Variants in GALNT9 observed in about 807,000 individuals in gnomAD.
GALNT9 encodes the protein polypeptide N-acetylgalactosaminyltransferase 9, also known as GalNAc transferase 9.
GALNT9 carries 47 observed loss-of-function variants against 63.1 expected under a neutral mutation model. The observed-to-expected ratio is 0.75, with a 90% CI of 0.59 to 0.95. GALNT9 has a LOEUF of 0.95. Among genes scored for constraint, GALNT9 ranks in the 40% least tolerant of loss-of-function variants. The pLI is 0.00. For synonymous variants in GALNT9, 396 were observed against 365.7 expected, an observed-to-expected ratio of 1.08 and a Z score of -0.94; for missense variants, 829 against 874.8, an observed-to-expected ratio of 0.95 and a Z score of 0.66.
At chr12:132,213,638 G>C (rs993699872) in intron 6 of GALNT9, among the ~76,000 whole-genome samples, 3 of 152,186 alleles carry the variant, frequency 2.0e-5, no homozygotes, top group African/African-American at 7.2e-5. Flanking sequence ...ATTCCTGTCA[G>C]CCTCTGATGT....
At chr12:132,214,430 G>C (rs1207878759) in intron 6 of GALNT9, among the ~76,000 whole-genome samples, 3 of 152,192 alleles carry the variant, frequency 2.0e-5, no homozygotes, top group Admixed American at 6.5e-5. Context: ...CCTAGAGCTA[G>C]TGAGCACCCC....
At chr12:132,241,404 G>T (rs1878338297) in intron 6 of GALNT9, among the ~76,000 whole-genome samples, 1 of 63,012 alleles carries the variant, frequency 1.6e-5, no homozygotes. Context: ...CCCCTTCCCG[G>T]GGCCCTCCCT....
intron 6 of GALNT9, among the ~76,000 whole-genome samples, chr12:132,210,441 G>A (rs1420161320): frequency 1.3e-5 from 2 of 152,224 alleles, no homozygotes; most frequent in Admixed American, 1.3e-4. Flanking sequence ...GTCATCTAGA[G>A]GGGAGGCAGG....
At chr12:132,251,915 C>A (rs1162035091) in intron 5 of GALNT9, among the ~76,000 whole-genome samples, 2 of 152,122 alleles carry the variant, frequency 1.3e-5, no homozygotes, top group Non-Finnish European at 2.9e-5. Context: ...ACACTTGAAC[C>A]AGCAGCCCCG....
chr12:132,262,396 C>G (rs555297446), intron 3 of GALNT9, 63 bp downstream of exon 3: 2 of 1,506,302 alleles, frequency 1.3e-6, no homozygotes, highest in African/African-American at 2.8e-5. Flanking sequence ...CCACCCAACC[C>G]CAACTCAACC....
chr12:132,266,524 G>A (rs1555240217), intron 2 of GALNT9, among the ~76,000 whole-genome samples: 2 of 152,220 alleles, frequency 1.3e-5, no homozygotes, highest in Non-Finnish European at 2.9e-5. Context: ...TGTGGAGGTG[G>A]AGGCCGAGAC....
intron 2 of GALNT9, among the ~76,000 whole-genome samples, chr12:132,271,935 G>A (rs886944309): frequency 1.3e-5 from 2 of 152,176 alleles, no homozygotes; most frequent in Non-Finnish European, 2.9e-5. Flanking sequence ...GCGGCCACAC[G>A]TGAACTGTGT....
intron 6 of GALNT9, among the ~76,000 whole-genome samples, chr12:132,219,694 G>T (rs1385409879): frequency 6.8e-6 from 1 of 146,294 alleles, no homozygotes; most frequent in Non-Finnish European, 1.5e-5. Flanking sequence ...GGTGACACCC[G>T]CCCGGGTAAG....
chr12:132,227,768 G>A (rs1021844326), intron 6 of GALNT9, among the ~76,000 whole-genome samples: 4 of 152,084 alleles, frequency 2.6e-5, no homozygotes, highest in Admixed American at 6.6e-5. Context: ...CTCAGGGTAC[G>A]GAGGCAGCCC....
At chr12:132,274,973 GC>G (rs1880022849) in intron 2 of GALNT9, 1 of 152,334 alleles carries the variant, frequency 6.6e-6, no homozygotes, top group African/African-American at 2.4e-5. Flanking sequence ...TCACTCTGGT[GC>G]TTGCCCCTGC....
At chr12:132,198,768 C>T (rs1875753744) in intron 9 of GALNT9, among the ~76,000 whole-genome samples, 1 of 152,204 alleles carries the variant, frequency 6.6e-6, no homozygotes, top group African/African-American at 2.4e-5. Context: ...CCTCCTGCCT[C>T]AGCCTCCCGA....
At chr12:132,243,272 C>G (rs1258138898) in intron 6 of GALNT9, among the ~76,000 whole-genome samples, 2,569 of 136,532 alleles carry the variant, frequency 0.019, no homozygotes, top group Middle Eastern at 0.068. Context: ...ACCCATTACA[C>G]ACACAACACA....
At chr12:132,263,821 G>A (rs1473143651) in intron 2 of GALNT9, among the ~76,000 whole-genome samples, 3 of 152,180 alleles carry the variant, frequency 2.0e-5, no homozygotes, top group South Asian at 2.1e-4. Context: ...TGCCCCCTAC[G>A]CCTCCTCGGA....
chr12:132,229,093 C>G (rs1877804013), intron 6 of GALNT9, among the ~76,000 whole-genome samples: 1 of 152,196 alleles, frequency 6.6e-6, no homozygotes. Context: ...GGGCCGCCCT[C>G]CCCTGGACAC....
At chr12:132,213,672 T>G (rs1226448145) in intron 6 of GALNT9, among the ~76,000 whole-genome samples, 4 of 152,220 alleles carry the variant, frequency 2.6e-5, no homozygotes, top group African/African-American at 9.6e-5. Context: ...GCTCATTCTG[T>G]GAGCACCTAG....
rs1593092943 is a variant in GALNT9, at chr12:132,265,267, C to A, written c.420-2642G>T. ...GCTCCTGCTGGGGATGAGGGAGAGG[C>A]CACGGGGAGAAAATGACGGCTGGAC... is the stretch of plus-strand genomic sequence containing the variant. On this transcript the variant is annotated intron_variant, in intron 2 of 10. Coordinates refer to ENST00000328957, the MANE Select transcript of GALNT9 (RefSeq NM_001122636.2). The surrounding 1 kb of genome is among the most constrained non-coding windows in gnomAD (Gnocchi z 5.3). 2.0e-5 allele frequency among the ~76,000 whole-genome samples: 3 copies of A among 152,294 alleles called. No individual in the cohort carries two copies. The highest frequency in any genetic ancestry group is 6.8e-3 in the Middle Eastern group (2 of 294).
chr12:132,316,704 G>A lies in GALNT9; in HGVS notation c.238+12262C>T, dbSNP rs895770490. Among the ~76,000 whole-genome samples the A allele has an allele frequency of 4.6e-5, 7 of 151,882 alleles. No homozygotes were observed. Among genetic ancestry groups the A allele is most frequent in the African/African-American group, 1.5e-4 (6 of 41,310 alleles). On this transcript the variant is annotated intron_variant, in intron 1 of 10. Transcript: ENST00000328957. This position sits in a 1 kb window ranked among gnomAD's most constrained non-coding sequence, Gnocchi z 4.3. ...CCACCCTTTCAGATCCGACAGGGACGCCCACCCCAGCCCACTCCCTCTGCA... is the reference window on the plus strand; with the variant it reads ...CCACCCTTTCAGATCCGACAGGGACACCCACCCCAGCCCACTCCCTCTGCA...
intron 2 of GALNT9, among the ~76,000 whole-genome samples, chr12:132,266,416 GA>G (rs1879599646): frequency 6.6e-6 from 1 of 152,336 alleles, no homozygotes; most frequent in African/African-American, 2.4e-5. Flanking sequence ...CACTGATAAA[GA>G]GATCATCCTG....
chr12:132,294,445 A>C (rs1219706255), intron 1 of GALNT9, among the ~76,000 whole-genome samples: 1 of 152,212 alleles, frequency 6.6e-6, no homozygotes, highest in Non-Finnish European at 1.5e-5. Context: ...TGTCTGATCC[A>C]CAGGTGCACG....
Sources: gnomAD v4.1 joint callset for allele counts (sites outside exome capture counted in the v4.1 genomes callset) on GRCh38, gnomAD v4.1.1 for gene constraint, Gnocchi (gnomAD v3.1) non-coding constraint, MANE v1.5 for transcripts, NCBI Gene and HGNC (gene_info 2026-07-23, HGNC 2026-07-21) for gene names.